The following PLAGL1 variants were observed in gnomAD, a reference collection of about 807,000 sequenced individuals.
The protein encoded by PLAGL1 is zinc finger protein PLAGL1.
Under a neutral mutation model 4.6 loss-of-function variants are expected in PLAGL1, and 1 was observed. That is an observed-to-expected ratio of 0.22 (90% CI 0.08 to 1.03). The LOEUF is 1.03. PLAGL1 is among the 50% of genes least tolerant of loss of function. The probability of loss-of-function intolerance (pLI) is 0.58; values close to 1 mark genes in which losing one functional copy is unlikely to be tolerated. For missense variants in PLAGL1, 464 were observed against 570.4 expected (o/e 0.81, Z 1.90); for synonymous variants, 240 against 237.8 (o/e 1.01, Z -0.08).
In PLAGL1 at chr6:144,048,447, C is replaced by T. The variant is rs1798338151; in HGVS notation, c.-151+16021G>A. Among the ~76,000 whole-genome samples the T allele has an allele frequency of 6.6e-6, 1 of 152,244 alleles. No individual in the cohort carries two copies. Among genetic ancestry groups the T allele is most frequent in the Non-Finnish European group, 1.5e-5 (1 of 68,044 alleles). On this transcript the variant is annotated intron_variant, in intron 1 of 3. Coordinates refer to the PLAGL1 transcript ENST00000437412. The surrounding 1 kb of genome is among the most constrained non-coding windows in gnomAD (Gnocchi z 4.8). ...CCCCTGCAGGAGACTTCTGCCTGGA[C>T]ATTCAGGCATTTCCATACATCCTTT...
At position 143,968,520 on chromosome 6, in the gene PLAGL1, TATAAC is replaced by T. The variant is rs1784853186; in HGVS notation, c.-472+382_-472+386del. 2 of 152,298 alleles carry T rather than the reference TATAAC, an allele frequency of 1.3e-5. No homozygotes were observed. Among genetic ancestry groups the T allele is most frequent in the South Asian group, 2.1e-4 (1 of 4,826 alleles). 9.4% of individuals were successfully genotyped at this position (152,298 alleles called of 1,614,324 possible). A position where few individuals can be genotyped will look rare whatever the true frequency, so the allele number is the denominator to read the frequency against. On this transcript the variant is annotated intron_variant, in intron 3 of 7. Transcript: ENST00000674357. The surrounding 1 kb of genome is among the most constrained non-coding windows in gnomAD (Gnocchi z 6.3). ...ACCATTTAAAAACATCTTTTTAAAA[TATAAC>T]AGAAAGAGATCACGAAGTTTCTAGT... is the stretch of plus-strand genomic sequence containing the variant.
In PLAGL1 at chr6:143,945,114, T is replaced by C. The variant is rs2128510891; in HGVS notation, c.153-2451A>G. Reference sequence around the variant, plus strand: ...TTGCCTGGCATCTACTTCTTTCCCTTTTAATTTATCCCTTACTTACTCAAC... The same window carrying C: ...TTGCCTGGCATCTACTTCTTTCCCTCTTAATTTATCCCTTACTTACTCAAC... On this transcript the variant is annotated intron_variant, in intron 7 of 7. Coordinates refer to ENST00000674357, the MANE Select transcript of PLAGL1 (RefSeq NM_001317162.2). The surrounding 1 kb of genome is among the most constrained non-coding windows in gnomAD (Gnocchi z 4.2). Among the ~76,000 whole-genome samples the C allele has an allele frequency of 6.6e-6, 1 of 152,334 alleles. No homozygotes were observed. Among genetic ancestry groups the C allele is most frequent in the East Asian group, 1.9e-4 (1 of 5,188 alleles).
At position 143,989,193 on chromosome 6, in the gene PLAGL1, C is replaced by T. The variant is rs1333020282; in HGVS notation, c.-583-4019G>A. ...TGCCCCAGGGGACATTAAAAACGCA[C>T]AGAAACAATAGAGTGGAAAGGCTAC... On this transcript the variant is annotated intron_variant, in intron 1 of 7. Coordinates refer to ENST00000674357, the MANE Select transcript of PLAGL1 (RefSeq NM_001317162.2). The surrounding 1 kb of genome is among the most constrained non-coding windows in gnomAD (Gnocchi z 4.8). Among the ~76,000 whole-genome samples the T allele has an allele frequency of 6.6e-6, 1 of 152,110 alleles. No individual in the cohort carries two copies. Among genetic ancestry groups the T allele is most frequent in the Non-Finnish European group, 1.5e-5 (1 of 68,016 alleles).
rs577962612 is a variant in PLAGL1 at position 143,979,384 on chromosome 6, G to A, written c.-544+5751C>T. On this transcript the variant is annotated intron_variant, in intron 2 of 7. Transcript: ENST00000674357. This position sits in a 1 kb window ranked among gnomAD's most constrained non-coding sequence, Gnocchi z 4.6. The stretch of plus-strand genomic sequence containing the variant: ...CTGACATGATTAGGCTGAAATGTAC[G>A]ATCTTGTTATTTGTTGTCTAATTGC... Among the ~76,000 whole-genome samples, 5 of 152,150 alleles carry A rather than the reference G, an allele frequency of 3.3e-5. No homozygotes were observed. The highest frequency in any genetic ancestry group is 1.9e-4 in the East Asian group (1 of 5,182).
chr6:144,060,607 C>T (rs1001553472), intron 1 of PLAGL1, among the ~76,000 whole-genome samples: 2 of 152,104 alleles, frequency 1.3e-5, no homozygotes, highest in African/African-American at 4.8e-5. Context: ...TCTGCCTCTT[C>T]CCAAGAAAAA....
chr6:143,993,700 A>G (rs868762337), intron 1 of PLAGL1, among the ~76,000 whole-genome samples: 3 of 152,244 alleles, frequency 2.0e-5, no homozygotes, highest in Admixed American at 1.3e-4. Flanking sequence ...AAGCTTTCCA[A>G]TAGAAGCCAG....
rs1788385004 is a variant in PLAGL1, at chr6:143,983,484, TG to T, written c.-544+1650del. On this transcript the variant is annotated intron_variant, in intron 2 of 7. Transcript: ENST00000674357. This position sits in a 1 kb window ranked among gnomAD's most constrained non-coding sequence, Gnocchi z 6.6. ...ATATCCTTGAGCAGGTGAGAGGAGA[TG>T]GGACTAAGAATATAAGTACAAGGGT... 6.6e-6 allele frequency among the ~76,000 whole-genome samples: 1 copy of T among 152,096 alleles called. No homozygotes were observed. The highest frequency in any genetic ancestry group is 1.5e-5 in the Non-Finnish European group (1 of 67,990).
intron 1 of PLAGL1, among the ~76,000 whole-genome samples, chr6:144,002,350 C>A (rs1385851657): frequency 6.6e-6 from 1 of 151,982 alleles, no homozygotes. Flanking sequence ...GGTATTCTCC[C>A]CTTAAGATGA....
At position 144,064,180 on chromosome 6, in the gene PLAGL1, A is replaced by G. The variant is rs1339736911; in HGVS notation, c.-151+288T>C. Reference sequence around the variant, plus strand: ...ACCCGGCCCGCCCTCCGCCCAGCGCAGAAGCGAAGAGCTGCAGACGACGGA... The same window carrying G: ...ACCCGGCCCGCCCTCCGCCCAGCGCGGAAGCGAAGAGCTGCAGACGACGGA... On this transcript the variant is annotated intron_variant, in intron 1 of 3. Transcript: ENST00000437412. This position sits in a 1 kb window ranked among gnomAD's most constrained non-coding sequence, Gnocchi z 6.8. Among the ~76,000 whole-genome samples the G allele has an allele frequency of 6.6e-6, 1 of 151,916 alleles. No homozygotes were observed. Among genetic ancestry groups the G allele is most frequent in the African/African-American group, 2.4e-5 (1 of 41,382 alleles).
chr6:143,977,765 G>C (rs1023804476), intron 2 of PLAGL1, among the ~76,000 whole-genome samples: 1 of 152,070 alleles, frequency 6.6e-6, no homozygotes, highest in Admixed American at 6.6e-5. Context: ...CTCCAAAGGT[G>C]CTGGGGTTAT....
rs758678527 is a variant in PLAGL1 at position 143,942,161 on chromosome 6, C to T, written c.655G>A (p.Gly219Arg). 7 of 1,614,132 alleles carry T rather than the reference C, an allele frequency of 4.3e-6. 1 individual carries two copies. In the South Asian group the frequency reaches 4.4e-5, roughly 10 times the overall value. Residue 219 changes from glycine (G) to arginine (R), a missense_variant, in exon 8 of 8, where the codon GGA becomes AGA. This residue lies in a region of PLAGL1 where 248 missense variants were observed against 250.1 expected (regional missense o/e 0.99). Coordinates refer to ENST00000674357, the MANE Select transcript of PLAGL1 (RefSeq NM_001317162.2). This position sits in a 1 kb window ranked among gnomAD's most constrained non-coding sequence, Gnocchi z 7.6. Reference protein sequence around the residue: ...QELMKESLQTGDLLSTFHTIS... With the variant: ...QELMKESLQTRDLLSTFHTIS... ...GTGTGGAAGGTGCTCAGAAGGTCTC[C>T]GGTCTGCAAGCTCTCTTTCATCAGC...
Position 144,022,866 on chromosome 6 carries a change from T to C in PLAGL1, c.-151+41602A>G, listed in dbSNP as rs887743528. On this transcript the variant is annotated intron_variant, in intron 1 of 3. Coordinates refer to the PLAGL1 transcript ENST00000437412. This position sits in a 1 kb window ranked among gnomAD's most constrained non-coding sequence, Gnocchi z 4.2. ...ACTAATACACACAGACTTCCCATAC[T>C]ACCCAGCAATCACACTCCTTGGTAT... is the stretch of plus-strand genomic sequence containing the variant. 6.6e-5 allele frequency among the ~76,000 whole-genome samples: 10 copies of C among 152,210 alleles called. No individual in the cohort carries two copies. Among genetic ancestry groups the C allele is most frequent in the African/African-American group, 2.4e-4 (10 of 41,458 alleles).
Position 144,005,079 on chromosome 6 carries a change from A to T in PLAGL1, c.-584+3011T>A, listed in dbSNP as rs1331847995. Reference sequence around the variant, plus strand: ...ACATACATTGCCTCAAAAGTCTGTGAGTACAAATTATTCTTGATGATACAA... The same window carrying T: ...ACATACATTGCCTCAAAAGTCTGTGTGTACAAATTATTCTTGATGATACAA... On this transcript the variant is annotated intron_variant, in intron 1 of 7. Coordinates refer to ENST00000674357, the MANE Select transcript of PLAGL1 (RefSeq NM_001317162.2). This position sits in a 1 kb window ranked among gnomAD's most constrained non-coding sequence, Gnocchi z 4.6. 1.3e-5 allele frequency: 2 copies of T among 151,730 alleles called. No homozygotes were observed. The highest frequency in any genetic ancestry group is 2.9e-5 in the Non-Finnish European group (2 of 67,918). 9.4% of individuals were successfully genotyped at this position (151,730 alleles called of 1,614,324 possible). A position where few individuals can be genotyped will look rare whatever the true frequency, so the allele number is the denominator to read the frequency against.
chr6:144,052,620 A>G (rs1300623095), intron 1 of PLAGL1, among the ~76,000 whole-genome samples: 1 of 152,228 alleles, frequency 6.6e-6, no homozygotes, highest in African/African-American at 2.4e-5. Context: ...GATGTCAAAC[A>G]AATGCTTGAT....
intron 1 of PLAGL1, among the ~76,000 whole-genome samples, chr6:144,049,103 T>G (rs1292858955): frequency 2.0e-5 from 3 of 152,234 alleles, no homozygotes; most frequent in Non-Finnish European, 2.9e-5. Flanking sequence ...GCCACCAGTC[T>G]CTTTGCTAAA....
chr6:143,947,959 T>G lies in PLAGL1; in HGVS notation c.152+26A>C. 6.2e-7 allele frequency: 1 copy of G among 1,605,450 alleles called. No individual in the cohort carries two copies. On this transcript the variant is annotated intron_variant, in intron 7 of 7. Transcript: ENST00000674357. The surrounding 1 kb of genome is among the most constrained non-coding windows in gnomAD (Gnocchi z 4.3). ...AGCCATTTAAACGTACTTCTAAAAG[T>G]GCATACCTTTGCCAAAGCCTCTCAC...
rs1173030332 is a variant in PLAGL1 at position 143,954,415 on chromosome 6, AG to A, written c.-324-5956del. On this transcript the variant is annotated intron_variant, in intron 6 of 7. Transcript: ENST00000674357. The surrounding 1 kb of genome is among the most constrained non-coding windows in gnomAD (Gnocchi z 5.1). ...TTTAAAGAGGACAACACCAACAAAAAGGCAGTGGCAGTGCAAGACCCCAGGG... is the reference window on the plus strand; with the variant it reads ...TTTAAAGAGGACAACACCAACAAAAAGCAGTGGCAGTGCAAGACCCCAGGG... 6.6e-6 allele frequency among the ~76,000 whole-genome samples: 1 copy of A among 152,230 alleles called. No individual in the cohort carries two copies. The highest frequency in any genetic ancestry group is 1.9e-4 in the East Asian group (1 of 5,206).
Position 143,994,312 on chromosome 6 carries a change from A to T in PLAGL1, c.-583-9138T>A, listed in dbSNP as rs560059317. On this transcript the variant is annotated intron_variant, in intron 1 of 7. Transcript: ENST00000674357. This position sits in a 1 kb window ranked among gnomAD's most constrained non-coding sequence, Gnocchi z 4.3. ...AATTTTCCTATATATTGTAAATTTT[A>T]AGACTTCACAGTGCATGGGATGTCC... is the stretch of plus-strand genomic sequence containing the variant. 6.6e-6 allele frequency among the ~76,000 whole-genome samples: 1 copy of T among 152,354 alleles called. No homozygotes were observed. The highest frequency in any genetic ancestry group is 1.5e-5 in the Non-Finnish European group (1 of 68,030).
chr6:144,017,537 T>TA (rs1249427492), intron 1 of PLAGL1, among the ~76,000 whole-genome samples: 1 of 152,246 alleles, frequency 6.6e-6, no homozygotes, highest in Admixed American at 6.5e-5. Context: ...CTTTACGTGA[T>TA]AAAGTTTTTC....
Sources: allele counts gnomAD v4.1 joint callset (sites outside exome capture counted in the v4.1 genomes callset), GRCh38; gene constraint gnomAD v4.1.1; regional missense constraint gnomAD v4.1.1; non-coding constraint Gnocchi (gnomAD v3.1); transcripts MANE v1.5; gene names NCBI Gene and HGNC (gene_info 2026-07-23, HGNC 2026-07-21).